PRDM14: variants seen among roughly 807,000 people sequenced by gnomAD.
PRDM14 encodes PR/SET domain 14.
Under a neutral mutation model 48.0 loss-of-function variants are expected in PRDM14, and 16 were observed. The ratio of observed to expected loss-of-function variants is 0.33; its 90% CI spans 0.23 to 0.51. The LOEUF is 0.51. Ranked by LOEUF, PRDM14 falls within the 20% of genes least tolerant of loss-of-function variation. The pLI, the probability that PRDM14 is intolerant of heterozygous loss-of-function variation, is 0.97. For synonymous variants in PRDM14, 264 were observed against 276.6 expected, an observed-to-expected ratio of 0.95 and a Z score of 0.45; for missense variants, 566 against 719.6, an observed-to-expected ratio of 0.79 and a Z score of 2.44.
chr8:70,054,303 G>C (rs543536042), intron 7 of PRDM14, among the ~76,000 whole-genome samples: 20 of 152,232 alleles, frequency 1.3e-4, no homozygotes, highest in Non-Finnish European at 2.4e-4. Flanking sequence ...CATTCCAGTA[G>C]TACTTTTATG....
At chr8:70,053,841 T>C (rs1805427775) in intron 7 of PRDM14, among the ~76,000 whole-genome samples, 1 of 152,222 alleles carries the variant, frequency 6.6e-6, no homozygotes. Context: ...ACGGCTTTAC[T>C]GTAAAAAGCG....
chr8:70,065,103 GT>G (rs2131041197), intron 5 of PRDM14, among the ~76,000 whole-genome samples: 1 of 152,028 alleles, frequency 6.6e-6, no homozygotes, highest in South Asian at 2.1e-4. Flanking sequence ...AGCCAGGATG[GT>G]CTTGATCTCC....
At position 70,068,232 on chromosome 8, in the gene PRDM14, C is replaced by T. The variant is rs1356259445; in HGVS notation, c.910G>A (p.Glu304Lys). Residue 304 changes from glutamate (E) to lysine (K), a missense_variant and splice_region_variant, in exon 4 of 8, where the codon GAG (glutamate) becomes AAG (lysine). Transcript: ENST00000276594. ...KTYGDNSVMW[E>K]IFEDGHLSHF... ...AGACCCACCAGAAACAGATTTACCT[C>T]CCACATCACAGAATTGTCTCCGTAG... 1.2e-6 allele frequency: 2 copies of T among 1,614,210 alleles called. No homozygotes were observed. Among genetic ancestry groups the T allele is most frequent in the Non-Finnish European group, 1.7e-6 (2 of 1,180,016 alleles).
intron 6 of PRDM14, among the ~76,000 whole-genome samples, chr8:70,055,835 GAA>G (rs773666143): frequency 2.6e-5 from 4 of 152,148 alleles, no homozygotes; most frequent in Non-Finnish European, 5.9e-5. Flanking sequence ...TGGAATGTGG[GAA>G]CTGAACAGGT....
At chr8:70,064,825 AT>A (rs148699883) in intron 5 of PRDM14, among the ~76,000 whole-genome samples, 4 of 145,642 alleles carry the variant, frequency 2.7e-5, no homozygotes, top group South Asian at 2.2e-4. Context: ...CGCCTGGGCC[AT>A]TTTTTTTTTA....
Position 70,055,349 on chromosome 8 carries a change from A to G in PRDM14, c.1439T>C (p.Met480Thr). ...FSQSSSLNKH[M>T]RVHSGDRPYQ... ...TGGTCTGTCTCCAGAGTGGACTCGC[A>G]TGTGTTTGTTTAGGCTGGAAGATTG... The change falls in exon 7 of 8, where the codon ATG becomes ACG. Residue 480 changes from methionine to threonine, a missense_variant. This residue lies in a region of PRDM14 where 126 missense variants were observed against 271.6 expected (regional missense o/e 0.46). Transcript: ENST00000276594. 6.2e-7 allele frequency: 1 copy of G among 1,610,262 alleles called. No homozygotes were observed. Among genetic ancestry groups the G allele is most frequent in the Non-Finnish European group, 8.5e-7 (1 of 1,176,538 alleles).
intron 5 of PRDM14, among the ~76,000 whole-genome samples, chr8:70,060,329 G>A (rs938992821): frequency 3.3e-5 from 5 of 150,436 alleles, no homozygotes; most frequent in African/African-American, 9.8e-5. Context: ...GGGGAAGTTA[G>A]TTGAGGCTGC....
chr8:70,059,805 T>A (rs1484629621), intron 5 of PRDM14, among the ~76,000 whole-genome samples: 1 of 152,136 alleles, frequency 6.6e-6, no homozygotes, highest in East Asian at 1.9e-4. Flanking sequence ...TTAAAAAGCA[T>A]AATTGTGACC....
chr8:70,068,389 T>C lies in PRDM14; in HGVS notation c.755-2A>G, dbSNP rs1476919502. On this transcript the variant is annotated splice_acceptor_variant, in intron 3 of 7. Transcript: ENST00000276594. LOFTEE classifies it high-confidence loss of function. ...ACACCGTCTGCATGAGGCATAGACCTAGGGGAAAGCCGAGGCAGGAAAAGA... is the reference window on the plus strand; with the variant it reads ...ACACCGTCTGCATGAGGCATAGACCCAGGGGAAAGCCGAGGCAGGAAAAGA... The C allele has an allele frequency of 6.2e-7, 1 of 1,614,132 alleles. No homozygotes were observed. Among genetic ancestry groups the C allele is most frequent in the Admixed American group, 1.7e-5 (1 of 60,012 alleles).
chr8:70,055,024 G>A (rs1047952128), intron 7 of PRDM14, among the ~76,000 whole-genome samples: 1 of 152,148 alleles, frequency 6.6e-6, no homozygotes, highest in Non-Finnish European at 1.5e-5. Flanking sequence ...CACTCAGCTA[G>A]TGCTTTTAAA....
At chr8:70,061,032 A>G (rs1440367038) in intron 5 of PRDM14, among the ~76,000 whole-genome samples, 2 of 152,164 alleles carry the variant, frequency 1.3e-5, no homozygotes, top group East Asian at 3.8e-4. Flanking sequence ...AGTCTTACCA[A>G]TGTGAGTGAT....
chr8:70,055,443 T>C (rs760280948), intron 6 of PRDM14, 42 bp from the exon 7 acceptor site: 1 of 1,095,380 alleles, frequency 9.1e-7, no homozygotes, highest in Non-Finnish European at 1.4e-6. Context: ...CACACCTTCC[T>C]CTAACAAGTC....
rs1805758795 is a variant in PRDM14, at chr8:70,071,056, C to T, written c.-25+94G>A. The T allele has an allele frequency of 6.6e-6, 1 of 152,460 alleles. No individual in the cohort carries two copies. The highest frequency in any genetic ancestry group is 2.4e-5 in the African/African-American group (1 of 41,432). The allele number at this position is 152,460 out of a possible 1,614,324, so 9.4% of individuals were successfully genotyped here. ...CCCCCGAGAGGGCAGAACGACCATCCAAAACGAACTGCGCCAGCGAGTGCT... is the reference window on the plus strand; with the variant it reads ...CCCCCGAGAGGGCAGAACGACCATCTAAAACGAACTGCGCCAGCGAGTGCT... On this transcript the variant is annotated intron_variant, in intron 1 of 7. Coordinates refer to ENST00000276594, the MANE Select transcript of PRDM14 (RefSeq NM_024504.4). This position sits in a 1 kb window ranked among gnomAD's most constrained non-coding sequence, Gnocchi z 5.2.
At chr8:70,055,192 G>C (rs966649927) in intron 7 of PRDM14, 108 bp downstream of exon 7, 82 of 587,034 alleles carry the variant, frequency 1.4e-4, no homozygotes, top group African/African-American at 1.3e-3. Flanking sequence ...GCTGATATTT[G>C]ACTAACATTT....
intron 5 of PRDM14, among the ~76,000 whole-genome samples, chr8:70,062,259 C>A (rs1304391885): frequency 6.6e-6 from 1 of 152,140 alleles, no homozygotes; most frequent in Non-Finnish European, 1.5e-5. Context: ...CCATCATAAG[C>A]CCTCATTCTG....
chr8:70,052,465 C>T (rs972870259), intron 7 of PRDM14, among the ~76,000 whole-genome samples, 161 bp from the exon 8 acceptor site: 1 of 152,146 alleles, frequency 6.6e-6, no homozygotes, highest in Non-Finnish European at 1.5e-5. Flanking sequence ...AGCCTTAATC[C>T]GAAAGGACTC....
intron 5 of PRDM14, among the ~76,000 whole-genome samples, chr8:70,065,254 C>T (rs1233572010): frequency 1.3e-5 from 2 of 152,082 alleles, no homozygotes; most frequent in African/African-American, 2.4e-5. Context: ...CCGCCCATCT[C>T]CGCCTCCAAA....
At position 70,051,912 on chromosome 8, in the gene PRDM14, C is replaced by T. The variant is rs1371768365; in HGVS notation, c.*165G>A. 2.5e-5 allele frequency: 14 copies of T among 554,662 alleles called. No individual in the cohort carries two copies. Among genetic ancestry groups the T allele is most frequent in the Admixed American group, 2.2e-4 (7 of 32,344 alleles). 34.4% of individuals were successfully genotyped at this position (554,662 alleles called of 1,614,324 possible). A position where few individuals can be genotyped will look rare whatever the true frequency, so the allele number is the denominator to read the frequency against. On this transcript the variant is annotated 3_prime_UTR_variant, in exon 8 of 8. Transcript: ENST00000276594. ...TCGACCTCCTGAGTGGCTGGAACCA[C>T]AGGCATGTGCCACCACCCCCAGCTG...
intron 7 of PRDM14, among the ~76,000 whole-genome samples, chr8:70,052,733 C>T (rs994042428): frequency 4.6e-5 from 7 of 151,668 alleles, no homozygotes; most frequent in Admixed American, 1.3e-4. Flanking sequence ...GGCATGCTAT[C>T]GTGCACCTTT....
Sources: allele counts gnomAD v4.1 joint callset (sites outside exome capture counted in the v4.1 genomes callset), GRCh38; gene constraint gnomAD v4.1.1; regional missense constraint gnomAD v4.1.1; non-coding constraint Gnocchi (gnomAD v3.1); transcripts MANE v1.5; gene names NCBI Gene and HGNC (gene_info 2026-07-23, HGNC 2026-07-21).